Variants in BAZ2A observed in about 807,000 individuals in gnomAD.
BAZ2A encodes the protein bromodomain adjacent to zinc finger domain 2A.
In BAZ2A, 34 loss-of-function variants were observed where a neutral mutation model predicts 199.9. That is an observed-to-expected ratio of 0.17 (90% CI 0.13 to 0.23). The LOEUF (loss-of-function observed/expected upper bound fraction) is 0.23. Ranked by LOEUF, BAZ2A falls within the 10% of genes least tolerant of loss-of-function variation. BAZ2A has a pLI of 1.00. For missense variants in BAZ2A, 2,002 were observed against 2,391.1 expected (o/e 0.84, Z 3.39); for synonymous variants, 857 against 883.9 (o/e 0.97, Z 0.54).
intron 10 of BAZ2A, among the ~76,000 whole-genome samples, chr12:56,609,095 G>T (rs1950472495): frequency 6.6e-6 from 1 of 151,848 alleles, no homozygotes; most frequent in African/African-American, 2.4e-5. Context: ...CGCCAGGATG[G>T]TCTCAATCTC....
chr12:56,605,423 ATTTT>A (rs376954501), intron 13 of BAZ2A, 96 bp from the exon 14 acceptor site: 66 of 1,066,584 alleles, frequency 6.2e-5, no homozygotes, highest in South Asian at 2.5e-4. Context: ...TTTTTATGTA[ATTTT>A]TTTTTTTTTT....
intron 7 of BAZ2A, 157 bp from the exon 8 acceptor site, chr12:56,610,674 A>G (rs1950532328): frequency 3.0e-6 from 2 of 661,372 alleles, no homozygotes; most frequent in African/African-American, 1.8e-5. Context: ...AAGCTTGGCT[A>G]GAAGGCTGAC....
rs1246545549 is a variant in BAZ2A at position 56,596,806 on chromosome 12, T to A, written c.*1812A>T. ...TCAAATAAAATTAAAAGTTTTGAGG[T>A]TTATCTGACAGAAAAGGCGACTTTA... On this transcript the variant is annotated 3_prime_UTR_variant, in exon 29 of 29. Coordinates refer to ENST00000549884, the MANE Select transcript of BAZ2A (RefSeq NM_001300905.2). The A allele has an allele frequency of 1.3e-5, 2 of 152,064 alleles. No homozygotes were observed. Among genetic ancestry groups the A allele is most frequent in the East Asian group, 1.9e-4 (1 of 5,198 alleles). The allele number at this position is 152,064 out of a possible 1,614,324, so 9.4% of individuals were successfully genotyped here. A position where few individuals can be genotyped will look rare whatever the true frequency, so the allele number is the denominator to read the frequency against.
At chr12:56,626,081 C>T (rs1951089548) in intron 1 of BAZ2A, among the ~76,000 whole-genome samples, 2 of 152,004 alleles carry the variant, frequency 1.3e-5, no homozygotes, top group African/African-American at 2.4e-5. Flanking sequence ...CAAAGATGGG[C>T]TTTTTTGTTT....
At chr12:56,636,389 A>G, upstream of BAZ2A, 4 of 526,108 alleles carry the variant, frequency 7.6e-6, no homozygotes, top group South Asian at 2.3e-5. Context: ...TGGGGTGGGG[A>G]GGGAGGAGGG....
chr12:56,637,039 G>A (rs1168831439), upstream of BAZ2A, among the ~76,000 whole-genome samples: 2 of 152,192 alleles, frequency 1.3e-5, no homozygotes, highest in African/African-American at 4.8e-5. Context: ...CTAACTTGAT[G>A]GACTCAGCGG....
In BAZ2A at chr12:56,606,249, T is replaced by C; in HGVS notation, c.2257A>G (p.Lys753Glu). 1 of 1,614,038 alleles carries C rather than the reference T, an allele frequency of 6.2e-7. No individual in the cohort carries two copies. The highest frequency in any genetic ancestry group is 8.5e-7 in the Non-Finnish European group (1 of 1,179,904). Residue 753 changes from lysine to glutamate, a missense_variant and splice_region_variant, in exon 12 of 29, where the codon AAG (lysine) becomes GAG (glutamate). By Grantham distance (56) the Lys-to-Glu change is moderately conservative (BLOSUM62 1). Transcript: ENST00000549884. ...GGCAAGTTTGTACATGCACCTACCTTGGATTTCTTCTTAGCTTCCTTCTGC... is the reference window on the plus strand; with the variant it reads ...GGCAAGTTTGTACATGCACCTACCTCGGATTTCTTCTTAGCTTCCTTCTGC... ...LKQKEAKKKSKAEKEKGKTKQ... is the reference protein window; with the variant it reads ...LKQKEAKKKSEAEKEKGKTKQ...
At chr12:56,631,082 G>A (rs750522581), upstream of BAZ2A, among the ~76,000 whole-genome samples, 24 of 152,176 alleles carry the variant, frequency 1.6e-4, no homozygotes, top group Admixed American at 4.6e-4. Context: ...GAGGACTAGA[G>A]TTTGGCTGTC....
intron 1 of BAZ2A, among the ~76,000 whole-genome samples, chr12:56,628,347 C>T (rs1028418222): frequency 6.6e-6 from 1 of 151,486 alleles, no homozygotes; most frequent in Non-Finnish European, 1.5e-5. Context: ...GGAGAAATAT[C>T]CTGGGATTAT....
At chr12:56,604,120 G>A (rs1053648992) in intron 16 of BAZ2A, 97 bp downstream of exon 16, 330 of 1,205,010 alleles carry the variant, frequency 2.7e-4, no homozygotes, top group Non-Finnish European at 3.6e-4. Flanking sequence ...ACCCAGGGAA[G>A]GGGCTAAAGC....
At chr12:56,606,172 G>A in intron 12 of BAZ2A, 75 bp downstream of exon 12, 1 of 1,599,296 alleles carries the variant, frequency 6.3e-7, no homozygotes, top group Non-Finnish European at 8.6e-7. Context: ...TATAAAACAA[G>A]ACTGATGTAC....
Position 56,601,106 on chromosome 12 carries a change from C to G in BAZ2A, c.4295-8G>C. ...ACCAGCCTGAGCACATCTCTGTGAG[C>G]AGATGAGATATATGTGGGGCGCCAG... On this transcript the variant is annotated splice_region_variant and splice_polypyrimidine_tract_variant and intron_variant, in intron 21 of 28. Coordinates refer to ENST00000549884, the MANE Select transcript of BAZ2A (RefSeq NM_001300905.2). The G allele has an allele frequency of 1.9e-6, 3 of 1,613,658 alleles. No homozygotes were observed. The highest frequency in any genetic ancestry group is 2.5e-6 in the Non-Finnish European group (3 of 1,179,744).
intron 27 of BAZ2A, 39 bp from the exon 28 acceptor site, chr12:56,599,050 G>A (rs368741414): frequency 1.2e-6 from 2 of 1,605,220 alleles, no homozygotes; most frequent in African/African-American, 2.7e-5. Flanking sequence ...ATCTCAGGAA[G>A]CAAATATACT....
At position 56,609,888 on chromosome 12, in the gene BAZ2A, G is replaced by A. The variant is rs1330415680; in HGVS notation, c.1940C>T (p.Thr647Ile). The change falls in exon 10 of 29, where the codon ACT becomes ATT. Residue 647 changes from threonine to isoleucine, a missense_variant. Around this residue, in one of 6 missense-constraint regions of BAZ2A, gnomAD observed 74 missense variants for 126.1 expected, o/e 0.59. Coordinates refer to ENST00000549884, the MANE Select transcript of BAZ2A (RefSeq NM_001300905.2). Reference sequence around the variant, plus strand: ...GTTTCGAGGTCGACCCCGTTTGCCAGTAATTGCCTGAATCCTCGACGGGAT... The same window carrying A: ...GTTTCGAGGTCGACCCCGTTTGCCAATAATTGCCTGAATCCTCGACGGGAT... Reference protein sequence around the residue: ...EEIPSRIQAITGKRGRPRNTE... With the variant: ...EEIPSRIQAIIGKRGRPRNTE... 1.2e-6 allele frequency: 2 copies of A among 1,613,376 alleles called. No individual in the cohort carries two copies. Among genetic ancestry groups the A allele is most frequent in the Non-Finnish European group, 1.7e-6 (2 of 1,179,826 alleles).
chr12:56,636,097 A>G, intron 1 of BAZ2A: 1 of 1,443,180 alleles, frequency 6.9e-7, no homozygotes, highest in Non-Finnish European at 9.5e-7. Context: ...CAAATGAGCA[A>G]AGGTTAGGCC....
intron 5 of BAZ2A, among the ~76,000 whole-genome samples, chr12:56,612,635 T>G (rs190771750): frequency 0.01 from 1,528 of 152,312 alleles, 18 homozygotes; most frequent in South Asian, 0.043. Context: ...TTCCTACTTT[T>G]TTTTTGAGAT....
chr12:56,613,380 C>T lies in BAZ2A; in HGVS notation c.917-147G>A. On this transcript the variant is annotated intron_variant, in intron 4 of 28. Coordinates refer to ENST00000549884, the MANE Select transcript of BAZ2A (RefSeq NM_001300905.2). Reference sequence around the variant, plus strand: ...ATATTAAGTTAGGTAACAAGTAAAGCCTTCTCCCTGAAAGAGTAGTCATGA... The same window carrying T: ...ATATTAAGTTAGGTAACAAGTAAAGTCTTCTCCCTGAAAGAGTAGTCATGA... 4.7e-6 allele frequency: 4 copies of T among 853,014 alleles called. No individual in the cohort carries two copies. In the South Asian group the frequency reaches 6.8e-5, roughly 15 times the overall value. The allele number at this position is 853,014 out of a possible 1,614,324, so 52.8% of individuals were successfully genotyped here. A position where few individuals can be genotyped will look rare whatever the true frequency, so the allele number is the denominator to read the frequency against.
In BAZ2A at chr12:56,611,578, T is replaced by C. The variant is rs755686103; in HGVS notation, c.1665A>G (p.Gln555=). The change falls in exon 7 of 29, where the codon CAA becomes CAG. Residue 555 remains glutamine, a synonymous_variant. Transcript: ENST00000549884. ...TAGCAAACTAGAGCATTTACCCATG[T>C]TGGAGGGGAAGACGAACTTCTTCTG... ...ATPEEVRLPL[Q]HGWRREVRIK... is the part of the protein sequence containing the mutation. 23 of 1,612,988 alleles carry C rather than the reference T, an allele frequency of 1.4e-5. No individual in the cohort carries two copies. Among genetic ancestry groups the C allele is most frequent in the Non-Finnish European group, 1.8e-5 (21 of 1,179,206 alleles).
In BAZ2A at chr12:56,602,046, G is replaced by A; in HGVS notation, c.3571C>T (p.Arg1191Ter). The A allele has an allele frequency of 6.4e-7, 1 of 1,556,224 alleles. No individual in the cohort carries two copies. The change falls in exon 20 of 29, where the codon CGA (arginine) becomes TGA (stop). Residue 1191 changes from arginine (R) to a stop codon, truncating the protein, a stop_gained. Coordinates refer to ENST00000549884, the MANE Select transcript of BAZ2A (RefSeq NM_001300905.2). LOFTEE classifies it high-confidence loss of function. ...TGCATAGACCCGGGCTTAGTTTTTC[G>A]AGGTCGGCCTCGGGCCCGGGCAGGA... is the stretch of plus-strand genomic sequence containing the variant. Reference protein sequence around the residue: ...SSPARARGRPRKTKPGSMQPR... With the variant: ...SSPARARGRP
Sources: gnomAD v4.1 joint callset for allele counts (sites outside exome capture counted in the v4.1 genomes callset) on GRCh38, gnomAD v4.1.1 for gene constraint, gnomAD v4.1.1 regional missense constraint, MANE v1.5 for transcripts, NCBI Gene and HGNC (gene_info 2026-07-23, HGNC 2026-07-21) for gene names.